CNPY1: variants seen among roughly 807,000 people sequenced by gnomAD.
CNPY1 encodes the protein canopy FGF signaling regulator 1.
CNPY1 carries 14 observed loss-of-function variants against 14.4 expected under a neutral mutation model. That is an observed-to-expected ratio of 0.97 (90% CI 0.64 to 1.52). The LOEUF (loss-of-function observed/expected upper bound fraction) is 1.52. Ranked by LOEUF, CNPY1 falls within the 40% of genes most tolerant of loss-of-function variation. The pLI, the probability that CNPY1 is intolerant of heterozygous loss-of-function variation, is 0.00. For synonymous variants in CNPY1, 43 were observed against 46.5 expected, an observed-to-expected ratio of 0.92 and a Z score of 0.31; for missense variants, 129 against 131.5, an observed-to-expected ratio of 0.98 and a Z score of 0.09.
rs1466224907 is a variant in CNPY1, at chr7:155,501,994, C to T, written c.*1074G>A. On this transcript the variant is annotated 3_prime_UTR_variant, in exon 5 of 5. Transcript: ENST00000636446. Reference sequence around the variant, plus strand: ...AACAATATGGCAAAGAGTTTTGGGTCGGGGGGGTTGGGGGGGGGATTTGTA... The same window carrying T: ...AACAATATGGCAAAGAGTTTTGGGTTGGGGGGGTTGGGGGGGGGATTTGTA... 8.1e-5 allele frequency: 1 copy of T among 12,356 alleles called. No homozygotes were observed. The highest frequency in any genetic ancestry group is 1.2e-3 in the Admixed American group (1 of 856). The allele number at this position is 12,356 out of a possible 1,614,324, so 0.8% of individuals were successfully genotyped here.
intron 2 of CNPY1, among the ~76,000 whole-genome samples, chr7:155,530,581 T>TA (rs1376431003): frequency 1.3e-5 from 2 of 152,146 alleles, no homozygotes; most frequent in African/African-American, 4.8e-5. Context: ...CCTTCTACCT[T>TA]AGCCTCCCAA....
chr7:155,544,585 C>A (rs1563099370), intron 2 of CNPY1, among the ~76,000 whole-genome samples: 1 of 152,224 alleles, frequency 6.6e-6, no homozygotes, highest in African/African-American at 2.4e-5. Flanking sequence ...CTCACATCTT[C>A]CCTGGCCCTG....
At chr7:155,521,560 G>A (rs542206192) in intron 2 of CNPY1, among the ~76,000 whole-genome samples, 4 of 152,292 alleles carry the variant, frequency 2.6e-5, no homozygotes, top group South Asian at 2.1e-4. Context: ...ATCGCCAGGC[G>A]GCAGCCTCCC....
chr7:155,520,298 TAGA>T (rs960343252), intron 2 of CNPY1, among the ~76,000 whole-genome samples: 24 of 152,124 alleles, frequency 1.6e-4, no homozygotes, highest in African/African-American at 3.4e-4. Context: ...GAGCCCATGG[TAGA>T]AGGACAGATA....
intron 2 of CNPY1, among the ~76,000 whole-genome samples, chr7:155,528,913 T>A (rs1176214980): frequency 1.3e-5 from 2 of 151,990 alleles, no homozygotes; most frequent in Non-Finnish European, 2.9e-5. Context: ...ACAAAAAAAT[T>A]AGCCAGGCAT....
Position 155,501,410 on chromosome 7 carries a change from A to C in CNPY1, c.*1658T>G, listed in dbSNP as rs1796103636. Reference sequence around the variant, plus strand: ...TGATGATGATCAAAGAGAGTATGGAAACAGATTTGGCAACACTTCTACGGT... The same window carrying C: ...TGATGATGATCAAAGAGAGTATGGACACAGATTTGGCAACACTTCTACGGT... On this transcript the variant is annotated 3_prime_UTR_variant, in exon 5 of 5. Transcript: ENST00000636446. 1 of 152,216 alleles carries C rather than the reference A, an allele frequency of 6.6e-6. No homozygotes were observed. The highest frequency in any genetic ancestry group is 1.5e-5 in the Non-Finnish European group (1 of 68,044). The allele number at this position is 152,216 out of a possible 1,614,324, so 9.4% of individuals were successfully genotyped here. A position where few individuals can be genotyped will look rare whatever the true frequency, so the allele number is the denominator to read the frequency against.
At chr7:155,519,400 GGTCCCA>G (rs947012894) in intron 2 of CNPY1, among the ~76,000 whole-genome samples, 4 of 151,924 alleles carry the variant, frequency 2.6e-5, no homozygotes, top group African/African-American at 9.7e-5. Flanking sequence ...GAGCACCTGT[GGTCCCA>G]GCTACTTGGG....
At chr7:155,509,687 G>A (rs1336916851) in intron 2 of CNPY1, among the ~76,000 whole-genome samples, 3 of 152,182 alleles carry the variant, frequency 2.0e-5, no homozygotes, top group African/African-American at 4.8e-5. Flanking sequence ...CCCGGGCTGG[G>A]GTGGACGTGG....
In CNPY1 at chr7:155,514,842, C is replaced by T. The variant is rs561676870; in HGVS notation, c.100-5745G>A. 1.5e-3 allele frequency among the ~76,000 whole-genome samples: 229 copies of T among 152,052 alleles called. 1 individual carries two copies. Among genetic ancestry groups the T allele is most frequent in the African/African-American group, 5.0e-3 (207 of 41,442 alleles). On this transcript the variant is annotated intron_variant, in intron 2 of 4. Coordinates refer to ENST00000636446, the MANE Select transcript of CNPY1 (RefSeq NM_001393663.1). ...CCGGGAGGTGGAGGTTGCGGTGAGCCGAGATCGCGCCATTGCACTCCAGCC... is the reference window on the plus strand; with the variant it reads ...CCGGGAGGTGGAGGTTGCGGTGAGCTGAGATCGCGCCATTGCACTCCAGCC...
At chr7:155,542,940 A>G (rs1239023848) in intron 2 of CNPY1, among the ~76,000 whole-genome samples, 1 of 151,874 alleles carries the variant, frequency 6.6e-6, no homozygotes, top group Non-Finnish European at 1.5e-5. Flanking sequence ...GTATGGACAC[A>G]GGCCGCTTTG....
chr7:155,538,327 A>C (rs781161325), intron 2 of CNPY1, among the ~76,000 whole-genome samples: 2 of 152,194 alleles, frequency 1.3e-5, no homozygotes, highest in Non-Finnish European at 2.9e-5. Context: ...TGCTTGCAAG[A>C]AAATGCAAGT....
intron 2 of CNPY1, among the ~76,000 whole-genome samples, chr7:155,527,054 C>CTT (rs764084944): frequency 1.3e-3 from 121 of 90,356 alleles, no homozygotes; most frequent in Admixed American, 7.5e-3. Context: ...TTCTTTCTTT[C>CTT]TTTTTTTTTT....
chr7:155,514,732 TA>T (rs1167843418), intron 2 of CNPY1, among the ~76,000 whole-genome samples: 4 of 151,966 alleles, frequency 2.6e-5, no homozygotes, highest in Non-Finnish European at 5.9e-5. Context: ...CGGTCTCTAC[TA>T]AAAATACAAA....
chr7:155,534,091 C>T (rs1796991431), intron 2 of CNPY1, among the ~76,000 whole-genome samples: 1 of 152,184 alleles, frequency 6.6e-6, no homozygotes, highest in African/African-American at 2.4e-5. Context: ...CATGCCTGCC[C>T]TGTATGTGCA....
intron 2 of CNPY1, among the ~76,000 whole-genome samples, chr7:155,542,044 C>T (rs939168789): frequency 1.0e-4 from 5 of 50,060 alleles, no homozygotes; most frequent in Non-Finnish European, 1.6e-4. Flanking sequence ...GGGGCAGGGT[C>T]GGGGGGGCAG....
At chr7:155,545,730 G>C in intron 2 of CNPY1, 101 bp downstream of exon 2, 1 of 395,480 alleles carries the variant, frequency 2.5e-6, no homozygotes, top group Non-Finnish European at 4.5e-6. Context: ...CCCTGAACAA[G>C]AGAAAGGTTA....
At chr7:155,528,395 C>T (rs988521879) in intron 2 of CNPY1, among the ~76,000 whole-genome samples, 5 of 152,256 alleles carry the variant, frequency 3.3e-5, no homozygotes, top group Non-Finnish European at 5.9e-5. Context: ...TCTGACAATG[C>T]CAGCTCTCGG....
chr7:155,512,282 G>A (rs893965441), intron 2 of CNPY1, among the ~76,000 whole-genome samples: 1 of 152,202 alleles, frequency 6.6e-6, no homozygotes, highest in Non-Finnish European at 1.5e-5. Flanking sequence ...TTTGGTACAA[G>A]TTATAAGTAG....
intron 2 of CNPY1, 94 bp from the exon 3 acceptor site, chr7:155,509,191 C>T: frequency 1.5e-6 from 1 of 666,088 alleles, no homozygotes; most frequent in Non-Finnish European, 2.5e-6. Context: ...CACACTCTCC[C>T]TGAATGCAAA....
Sources: allele counts gnomAD v4.1 joint callset (sites outside exome capture counted in the v4.1 genomes callset), GRCh38; gene constraint gnomAD v4.1.1; transcripts MANE v1.5; gene names NCBI Gene and HGNC (gene_info 2026-07-23, HGNC 2026-07-21).